TMEM178B: variants seen among roughly 807,000 people sequenced by gnomAD.
The protein encoded by TMEM178B is transmembrane protein 178B.
In TMEM178B, 5 loss-of-function variants were observed where a neutral mutation model predicts 31.0. That is an observed-to-expected ratio of 0.16 (90% CI 0.08 to 0.34). The LOEUF (loss-of-function observed/expected upper bound fraction) is 0.34. TMEM178B is among the 10% of genes least tolerant of loss of function. The probability of loss-of-function intolerance (pLI) is 1.00; values close to 1 mark genes in which losing one functional copy is unlikely to be tolerated. For missense variants in TMEM178B, 275 were observed against 400.3 expected (o/e 0.69, Z 2.67); for synonymous variants, 164 against 164.0 (o/e 1.00, Z 0.00).
intron 2 of TMEM178B, among the ~76,000 whole-genome samples, chr7:141,253,544 CTTTTTTTTTTT>C (rs34199017): frequency 5.7e-5 from 4 of 70,032 alleles, no homozygotes; most frequent in African/African-American, 1.7e-4. Flanking sequence ...ATTTTCCCTT[CTTTTTTTTTTT>C]TTTTTTTTTT....
chr7:141,215,757 A>G (rs1797122038), intron 2 of TMEM178B, among the ~76,000 whole-genome samples: 1 of 151,720 alleles, frequency 6.6e-6, no homozygotes, highest in South Asian at 2.1e-4. Context: ...GACTTTGGTT[A>G]AATTTGAATT....
intron 2 of TMEM178B, among the ~76,000 whole-genome samples, chr7:141,299,642 G>A (rs181482258): frequency 1.3e-5 from 2 of 152,242 alleles, no homozygotes; most frequent in Non-Finnish European, 2.9e-5. Context: ...TTTCCCTTTG[G>A]TTCTCTGCAG....
At chr7:141,238,157 G>A (rs1037336348) in intron 2 of TMEM178B, among the ~76,000 whole-genome samples, 9 of 152,116 alleles carry the variant, frequency 5.9e-5, no homozygotes, top group Non-Finnish European at 7.4e-5. Context: ...CAGGAGCTGC[G>A]TTAAGAAATC....
At chr7:141,194,697 A>T (rs1292768060) in intron 1 of TMEM178B, among the ~76,000 whole-genome samples, 1 of 152,042 alleles carries the variant, frequency 6.6e-6, no homozygotes, top group Non-Finnish European at 1.5e-5. Flanking sequence ...TCACAGCTCC[A>T]CTAGGCGTGC....
intron 3 of TMEM178B, among the ~76,000 whole-genome samples, chr7:141,467,716 C>A (rs1348215282): frequency 1.3e-5 from 2 of 152,194 alleles, no homozygotes; most frequent in African/African-American, 4.8e-5. Flanking sequence ...TCTGGGGCTT[C>A]ATTTGGTCTG....
intron 1 of TMEM178B, among the ~76,000 whole-genome samples, chr7:141,169,335 G>A (rs965631347): frequency 2.0e-5 from 3 of 152,216 alleles, no homozygotes; most frequent in Non-Finnish European, 4.4e-5. Flanking sequence ...TAAGGATGAT[G>A]GCCTCCAGCT....
chr7:141,154,393 A>G (rs1254576747), intron 1 of TMEM178B, among the ~76,000 whole-genome samples: 3 of 152,200 alleles, frequency 2.0e-5, no homozygotes, highest in African/African-American at 7.2e-5. Flanking sequence ...GCCCTCATCT[A>G]GGACAGACCG....
intron 3 of TMEM178B, among the ~76,000 whole-genome samples, chr7:141,448,656 C>T (rs1801805711): frequency 6.6e-6 from 1 of 152,184 alleles, no homozygotes; most frequent in African/African-American, 2.4e-5. Context: ...GTGGGGGAGA[C>T]GATTTGAGTT....
intron 2 of TMEM178B, among the ~76,000 whole-genome samples, chr7:141,278,249 A>G (rs1205428657): frequency 5.3e-5 from 8 of 152,164 alleles, no homozygotes; most frequent in Admixed American, 5.2e-4. Context: ...TGCATAGCTA[A>G]GCCCCTCTGG....
At chr7:141,419,032 C>A in intron 2 of TMEM178B, among the ~76,000 whole-genome samples, 1 of 152,128 alleles carries the variant, frequency 6.6e-6, no homozygotes, top group Non-Finnish European at 1.5e-5. Flanking sequence ...CTCAGCCTAC[C>A]GAATAGCTGG....
At chr7:141,087,451 A>G (rs951374264) in intron 1 of TMEM178B, among the ~76,000 whole-genome samples, 1 of 152,148 alleles carries the variant, frequency 6.6e-6, no homozygotes. Flanking sequence ...GAATTCCAAG[A>G]GCCACTAAAG....
the TMEM178B span, among the ~76,000 whole-genome samples, chr7:141,489,579 C>T: frequency 3.9e-5 from 6 of 152,080 alleles, no homozygotes; most frequent in South Asian, 1.2e-3. Context: ...TCTCTCCCCA[C>T]TCCCTTCATG....
At chr7:141,307,244 T>A (rs1284494340) in intron 2 of TMEM178B, among the ~76,000 whole-genome samples, 1 of 152,368 alleles carries the variant, frequency 6.6e-6, no homozygotes, top group East Asian at 1.9e-4. Flanking sequence ...ATCAGACTTT[T>A]TTCCATTTAA....
At chr7:141,506,291 C>G in the TMEM178B span, among the ~76,000 whole-genome samples, 1 of 152,356 alleles carries the variant, frequency 6.6e-6, no homozygotes, top group East Asian at 1.9e-4. Context: ...GAGAGGAGTG[C>G]AAAGCATCTG....
At chr7:141,410,063 C>T (rs1266608432) in intron 2 of TMEM178B, among the ~76,000 whole-genome samples, 1 of 152,248 alleles carries the variant, frequency 6.6e-6, no homozygotes, top group Non-Finnish European at 1.5e-5. Context: ...CCTTGCACAT[C>T]CTTGCTCTGT....
chr7:141,450,085 G>C (rs188167908), intron 3 of TMEM178B, among the ~76,000 whole-genome samples: 22 of 152,330 alleles, frequency 1.4e-4, no homozygotes, highest in African/African-American at 4.8e-4. Flanking sequence ...CAAAGCCACT[G>C]TGCCTCCCTG....
At chr7:141,504,107 C>T in the TMEM178B span, among the ~76,000 whole-genome samples, 5 of 152,190 alleles carry the variant, frequency 3.3e-5, no homozygotes, top group Non-Finnish European at 7.4e-5. Flanking sequence ...TTTCCTCCCT[C>T]CTGATTTTTA....
At chr7:141,107,658 T>C (rs1445551891) in intron 1 of TMEM178B, among the ~76,000 whole-genome samples, 1 of 152,162 alleles carries the variant, frequency 6.6e-6, no homozygotes, top group Non-Finnish European at 1.5e-5. Flanking sequence ...ATAAGGGCTT[T>C]GGTTTAGGGC....
chr7:141,397,187 A>T lies in TMEM178B; in HGVS notation c.497-40421A>T, dbSNP rs544823721. 5.3e-5 allele frequency among the ~76,000 whole-genome samples: 8 copies of T among 152,308 alleles called. No individual in the cohort carries two copies. The South Asian group carries it at 1.7e-3, about 32-fold the overall frequency. On this transcript the variant is annotated intron_variant, in intron 2 of 3. Transcript: ENST00000565468. ...GAATTTTCTGCCCAAAATCATAGTG[A>T]TTAACTGTTTCATCCAGCTTCTTTC...
Sources: gnomAD v4.1 joint callset for allele counts (sites outside exome capture counted in the v4.1 genomes callset) on GRCh38, gnomAD v4.1.1 for gene constraint, MANE v1.5 for transcripts, NCBI Gene and HGNC (gene_info 2026-07-23, HGNC 2026-07-21) for gene names.